The following ABLIM2 variants were observed in gnomAD, a reference collection of about 807,000 sequenced individuals.
ABLIM2 encodes the protein actin binding LIM protein family member 2.
ABLIM2 carries 53 observed loss-of-function variants against 97.7 expected under a neutral mutation model. The ratio of observed to expected loss-of-function variants is 0.54; its 90% confidence interval spans 0.44 to 0.68. The LOEUF is 0.68. Among genes scored for constraint, ABLIM2 ranks in the 30% least tolerant of loss-of-function variants. The pLI is 0.00. For synonymous variants in ABLIM2, 361 were observed against 345.8 expected (o/e 1.04, Z -0.49); for missense variants, 835 against 867.2 (o/e 0.96, Z 0.47).
chr4:8,052,925 G>A (rs1007983990), intron 8 of ABLIM2, among the ~76,000 whole-genome samples: 1 of 152,198 alleles, frequency 6.6e-6, no homozygotes, highest in African/African-American at 2.4e-5. Flanking sequence ...ACATTCGAGA[G>A]TAAGTGGGAG....
rs1469049967 is a variant in ABLIM2 at position 8,140,318 on chromosome 4, C to A, written c.10+18362G>T. 6.6e-6 allele frequency among the ~76,000 whole-genome samples: 1 copy of A among 152,134 alleles called. No homozygotes were observed. The highest frequency in any genetic ancestry group is 2.4e-5 in the African/African-American group (1 of 41,422). On this transcript the variant is annotated intron_variant, in intron 1 of 20. Coordinates refer to ENST00000447017, the MANE Select transcript of ABLIM2 (RefSeq NM_001130083.2). The surrounding 1 kb of genome is among the most constrained non-coding windows in gnomAD (Gnocchi z 5.9). Reference sequence around the variant, plus strand: ...AATGCTCCCCATCTGGTGAAGGAAACAGAGAATGTGGTCAAACACACCACA... The same window carrying A: ...AATGCTCCCCATCTGGTGAAGGAAAAAGAGAATGTGGTCAAACACACCACA...
intron 16 of ABLIM2, chr4:8,007,494 G>T (rs953567264): frequency 2.2e-4 from 220 of 985,538 alleles, no homozygotes; most frequent in Non-Finnish European, 2.5e-4. Flanking sequence ...GATTTACAGC[G>T]GCCGGAAGCA....
At chr4:8,098,193 C>T (rs1170362117) in intron 2 of ABLIM2, among the ~76,000 whole-genome samples, 1 of 151,032 alleles carries the variant, frequency 6.6e-6, no homozygotes, top group Non-Finnish European at 1.5e-5. Flanking sequence ...GCTAGAGTCA[C>T]AGAGGAACCC....
chr4:8,080,016 A>AT (rs1191659582), intron 5 of ABLIM2, among the ~76,000 whole-genome samples: 4 of 152,012 alleles, frequency 2.6e-5, no homozygotes, highest in African/African-American at 9.7e-5. Flanking sequence ...CAGGTCCCCA[A>AT]TCCCCCAGGG....
At chr4:8,018,718 A>T (rs570202113) in intron 14 of ABLIM2, among the ~76,000 whole-genome samples, 2 of 152,348 alleles carry the variant, frequency 1.3e-5, no homozygotes, top group African/African-American at 4.8e-5. Flanking sequence ...CCAGTTGTCA[A>T]TGTGGGATGT....
In ABLIM2 at chr4:8,019,302, C is replaced by T. The variant is rs1771813450; in HGVS notation, c.1423+316G>A. ...CCTCACCATCTTGGCTAAAGTCTCTCTGGCTGCATAATTGAAGGCGCCACC... is the reference window on the plus strand; with the variant it reads ...CCTCACCATCTTGGCTAAAGTCTCTTTGGCTGCATAATTGAAGGCGCCACC... On this transcript the variant is annotated intron_variant, in intron 14 of 20. Transcript: ENST00000447017. The surrounding 1 kb of genome is among the most constrained non-coding windows in gnomAD (Gnocchi z 4.3). Among the ~76,000 whole-genome samples, 1 of 152,206 alleles carries T rather than the reference C, an allele frequency of 6.6e-6. No homozygotes were observed. Among genetic ancestry groups the T allele is most frequent in the Non-Finnish European group, 1.5e-5 (1 of 68,044 alleles).
chr4:8,042,908 T>A (rs1789681433), intron 9 of ABLIM2, among the ~76,000 whole-genome samples: 1 of 151,126 alleles, frequency 6.6e-6, no homozygotes, highest in African/African-American at 2.4e-5. Flanking sequence ...CCCAGCACTT[T>A]GGGAGGCTGA....
intron 1 of ABLIM2, among the ~76,000 whole-genome samples, chr4:8,143,878 G>A (rs550436669): frequency 6.6e-6 from 1 of 152,312 alleles, no homozygotes; most frequent in South Asian, 2.1e-4. Context: ...CCAGGCCTTT[G>A]CAGCAGGCTG....
chr4:8,089,000 T>C (rs1036389274), intron 3 of ABLIM2, among the ~76,000 whole-genome samples: 16 of 152,224 alleles, frequency 1.1e-4, no homozygotes, highest in Admixed American at 3.9e-4. Context: ...TCGGATCCTG[T>C]CTTTATTTAA....
intron 1 of ABLIM2, among the ~76,000 whole-genome samples, chr4:8,153,490 T>C (rs918459004): frequency 2.9e-4 from 44 of 152,318 alleles, no homozygotes; most frequent in African/African-American, 1.1e-3. Flanking sequence ...GGCAGTCCTC[T>C]CCAGATACAA....
intron 9 of ABLIM2, among the ~76,000 whole-genome samples, chr4:8,037,125 T>C (rs1031792758): frequency 1.9e-4 from 29 of 152,322 alleles, no homozygotes; most frequent in Non-Finnish European, 3.2e-4. Context: ...TAGTGTATTA[T>C]TTTTATATTA....
In ABLIM2 at chr4:8,113,979, G is replaced by A. The variant is rs1390586758; in HGVS notation, c.11-7342C>T. On this transcript the variant is annotated intron_variant, in intron 1 of 20. Coordinates refer to ENST00000447017, the MANE Select transcript of ABLIM2 (RefSeq NM_001130083.2). This position sits in a 1 kb window ranked among gnomAD's most constrained non-coding sequence, Gnocchi z 4.5. ...CAATCAGGGAGGGCTTCTGGGAGGA[G>A]GTGACATAAACTAGAAGCTCAGAGG... Among the ~76,000 whole-genome samples the A allele has an allele frequency of 2.0e-5, 3 of 152,082 alleles. No individual in the cohort carries two copies. The highest frequency in any genetic ancestry group is 7.2e-5 in the African/African-American group (3 of 41,424).
At chr4:8,010,041 G>A (rs1331181190) in intron 14 of ABLIM2, among the ~76,000 whole-genome samples, 1 of 152,226 alleles carries the variant, frequency 6.6e-6, no homozygotes, top group African/African-American at 2.4e-5. Flanking sequence ...TCCACGAAGA[G>A]CAGTCAGGAA....
At position 7,998,286 on chromosome 4, in the gene ABLIM2, A is replaced by C. The variant is rs991922537; in HGVS notation, c.1619-5359T>G. ...TGGGCATTTTGGATATTATGTTAGA[A>C]GACTGATCTTGTTAAGTGTTAAATC... On this transcript the variant is annotated intron_variant, in intron 16 of 20. Transcript: ENST00000447017. This position sits in a 1 kb window ranked among gnomAD's most constrained non-coding sequence, Gnocchi z 6.4. Among the ~76,000 whole-genome samples, 1 of 152,122 alleles carries C rather than the reference A, an allele frequency of 6.6e-6. No homozygotes were observed. The highest frequency in any genetic ancestry group is 1.5e-5 in the Non-Finnish European group (1 of 68,014).
At chr4:8,047,378 CCTCCTCCTCTTT>C (rs1164401420) in intron 8 of ABLIM2, among the ~76,000 whole-genome samples, 2 of 151,442 alleles carry the variant, frequency 1.3e-5, no homozygotes, top group South Asian at 2.1e-4. Context: ...TCCTCCTCCT[CCTCCTCCTCTTT>C]CTCCTCCTCC....
chr4:8,076,813 T>G (rs1219774347), intron 6 of ABLIM2, among the ~76,000 whole-genome samples: 2 of 51,672 alleles, frequency 3.9e-5, no homozygotes, highest in Admixed American at 2.3e-4. Flanking sequence ...GGCTGCAGGG[T>G]GGGGGGTCTG....
chr4:8,143,162 G>GA (rs976029038), intron 1 of ABLIM2, among the ~76,000 whole-genome samples: 2 of 148,630 alleles, frequency 1.3e-5, no homozygotes, highest in Admixed American at 6.7e-5. Context: ...GCGAGAGTGG[G>GA]GGGGGGGGGC....
chr4:8,064,280 C>T lies in ABLIM2; in HGVS notation c.676-3226G>A, dbSNP rs1016572267. On this transcript the variant is annotated intron_variant, in intron 6 of 20. Transcript: ENST00000447017. The stretch of plus-strand genomic sequence containing the variant: ...TCCCCTTCAAAACTCATGTTGAAAT[C>T]TAATCACCTGTGTGGCAGTATTGAG... 9.2e-5 allele frequency among the ~76,000 whole-genome samples: 14 copies of T among 152,224 alleles called. No individual in the cohort carries two copies. The East Asian group carries it at 2.5e-3, about 27-fold the overall frequency.
Position 8,014,280 on chromosome 4 carries a change from C to T in ABLIM2, c.1424-5178G>A, listed in dbSNP as rs141899254. On this transcript the variant is annotated intron_variant, in intron 14 of 20. Transcript: ENST00000447017. Reference sequence around the variant, plus strand: ...CATCCCTTAGGCCAGAGAGAGACGCCCTCTCCACTCCTGGGACTTCGAATA... The same window carrying T: ...CATCCCTTAGGCCAGAGAGAGACGCTCTCTCCACTCCTGGGACTTCGAATA... 1.6e-3 allele frequency among the ~76,000 whole-genome samples: 238 copies of T among 152,312 alleles called. 2 individuals are homozygous for T. Among genetic ancestry groups the T allele is most frequent in the African/African-American group, 5.5e-3 (227 of 41,566 alleles).
Sources: gnomAD v4.1 joint callset for allele counts (sites outside exome capture counted in the v4.1 genomes callset) on GRCh38, gnomAD v4.1.1 for gene constraint, Gnocchi (gnomAD v3.1) non-coding constraint, MANE v1.5 for transcripts, NCBI Gene and HGNC (gene_info 2026-07-23, HGNC 2026-07-21) for gene names.